The following CTNNA3 variants were observed in gnomAD, a reference collection of about 807,000 sequenced individuals.
CTNNA3 encodes the protein catenin alpha-3.
In CTNNA3, 76 loss-of-function variants were observed where a neutral mutation model predicts 95.7. The observed-to-expected ratio is 0.79, with a 90% CI of 0.66 to 0.96. The LOEUF is 0.96. Ranked by LOEUF, CTNNA3 falls within the 40% of genes least tolerant of loss-of-function variation. CTNNA3 has a pLI of 0.00. For synonymous variants in CTNNA3, 431 were observed against 374.4 expected, an observed-to-expected ratio of 1.15 and a Z score of -1.74; for missense variants, 1,191 against 1,089.8, an observed-to-expected ratio of 1.09 and a Z score of -1.31.
At chr10:66,121,861 G>A (rs2082597839) in intron 13 of CTNNA3, among the ~76,000 whole-genome samples, 1 of 152,030 alleles carries the variant, frequency 6.6e-6, no homozygotes, top group Non-Finnish European at 1.5e-5. Flanking sequence ...AAGTTGCTGA[G>A]GTTTACCAAC....
intron 10 of CTNNA3, among the ~76,000 whole-genome samples, chr10:66,619,331 A>T (rs1041186352): frequency 6.7e-6 from 1 of 150,222 alleles, no homozygotes; most frequent in Non-Finnish European, 1.5e-5. Context: ...ACAACGATAG[A>T]CTGGATTAAG....
chr10:66,966,967 C>A (rs1361441535), intron 7 of CTNNA3, among the ~76,000 whole-genome samples: 1 of 151,968 alleles, frequency 6.6e-6, no homozygotes, highest in East Asian at 1.9e-4. Context: ...ATTTGGATAT[C>A]ATGGCCTATC....
intron 5 of CTNNA3, among the ~76,000 whole-genome samples, chr10:67,311,330 A>T (rs1256466836): frequency 6.6e-6 from 1 of 152,204 alleles, no homozygotes; most frequent in Non-Finnish European, 1.5e-5. Flanking sequence ...AGCAGCTTCC[A>T]AGCTCTATAA....
intron 13 of CTNNA3, among the ~76,000 whole-genome samples, chr10:66,202,924 A>G (rs764046300): frequency 2.6e-4 from 40 of 152,222 alleles, no homozygotes; most frequent in Non-Finnish European, 4.4e-4. Flanking sequence ...AGATGAATCT[A>G]ATTTAGCAAG....
intron 5 of CTNNA3, among the ~76,000 whole-genome samples, chr10:67,232,975 T>A (rs1469214140): frequency 6.6e-6 from 1 of 152,102 alleles, no homozygotes; most frequent in Admixed American, 6.5e-5. Context: ...CCTAAATATA[T>A]ATGCACCCAA....
chr10:67,428,461 G>A (rs1845995053), intron 5 of CTNNA3, among the ~76,000 whole-genome samples: 1 of 151,942 alleles, frequency 6.6e-6, no homozygotes, highest in Admixed American at 6.6e-5. Context: ...GGTTTTTCCA[G>A]GAACACAACT....
chr10:66,246,538 GC>G (rs2090333192), intron 13 of CTNNA3, among the ~76,000 whole-genome samples: 1 of 152,088 alleles, frequency 6.6e-6, no homozygotes, highest in Non-Finnish European at 1.5e-5. Flanking sequence ...GCAATCTGGA[GC>G]AGCCACTGCC....
At chr10:65,991,290 T>G (rs2133335131) in intron 15 of CTNNA3, among the ~76,000 whole-genome samples, 1 of 152,246 alleles carries the variant, frequency 6.6e-6, no homozygotes, top group South Asian at 2.1e-4. Flanking sequence ...TTTCTTCTGT[T>G]TCTGTGAAGA....
chr10:67,188,829 G>T (rs1862986029), intron 6 of CTNNA3, among the ~76,000 whole-genome samples: 1 of 152,078 alleles, frequency 6.6e-6, no homozygotes, highest in East Asian at 1.9e-4. Context: ...AAAACAATCT[G>T]CAGGGTGCAA....
intron 5 of CTNNA3, among the ~76,000 whole-genome samples, chr10:67,378,142 T>G (rs1377934745): frequency 6.6e-6 from 1 of 152,232 alleles, no homozygotes; most frequent in Admixed American, 6.5e-5. Flanking sequence ...TTTACTTTTT[T>G]TTATGTTTTA....
chr10:66,650,368 T>C (rs1285714036), intron 9 of CTNNA3, among the ~76,000 whole-genome samples: 2 of 152,098 alleles, frequency 1.3e-5, no homozygotes, highest in Non-Finnish European at 1.5e-5. Context: ...ACTGGAAAAA[T>C]TTCAAAAACT....
At chr10:66,943,652 A>T (rs1405555863) in intron 7 of CTNNA3, among the ~76,000 whole-genome samples, 20 of 152,142 alleles carry the variant, frequency 1.3e-4, no homozygotes, top group Non-Finnish European at 1.5e-5. Context: ...AGAATTAAAC[A>T]TGCTACTTAA....
intron 7 of CTNNA3, among the ~76,000 whole-genome samples, chr10:67,008,179 A>T (rs1020222818): frequency 6.6e-6 from 1 of 152,058 alleles, no homozygotes; most frequent in Non-Finnish European, 1.5e-5. Context: ...TTCAGGAAAA[A>T]CTTATGCTTT....
At chr10:66,788,514 T>C (rs73310843) in intron 7 of CTNNA3, among the ~76,000 whole-genome samples, 36,430 of 152,006 alleles carry the variant, frequency 0.24, 4,987 homozygotes, top group African/African-American at 0.38. Context: ...ATGAAACTAT[T>C]TGTTGCCTGT....
chr10:67,511,092 G>T (rs570816618), intron 5 of CTNNA3, among the ~76,000 whole-genome samples: 1 of 152,278 alleles, frequency 6.6e-6, no homozygotes, highest in South Asian at 2.1e-4. Context: ...GAGATTTGGG[G>T]CTGAGACAAT....
intron 4 of CTNNA3, among the ~76,000 whole-genome samples, chr10:67,538,514 A>C (rs896036083): frequency 1.3e-4 from 20 of 151,686 alleles, no homozygotes; most frequent in African/African-American, 3.9e-4. Flanking sequence ...CCCAGAAGGC[A>C]GAGATTGCAG....
intron 1 of CTNNA3, among the ~76,000 whole-genome samples, chr10:67,683,863 G>A (rs566591870): frequency 4.6e-5 from 7 of 151,848 alleles, no homozygotes; most frequent in East Asian, 3.9e-4. Flanking sequence ...TCTTAAAGGC[G>A]GCATATCCGG....
At chr10:66,407,666 T>A (rs1231505049) in intron 11 of CTNNA3, among the ~76,000 whole-genome samples, 2 of 151,940 alleles carry the variant, frequency 1.3e-5, no homozygotes, top group South Asian at 4.2e-4. Context: ...CTATCACCTC[T>A]GACTCTTGGG....
At chr10:67,590,181 T>A (rs1450225841) in intron 3 of CTNNA3, among the ~76,000 whole-genome samples, 13 of 152,140 alleles carry the variant, frequency 8.5e-5, no homozygotes, top group Admixed American at 8.5e-4. Context: ...CTACATTACA[T>A]CACTTTTGCA....
Sources: gnomAD v4.1 joint callset for allele counts (sites outside exome capture counted in the v4.1 genomes callset) on GRCh38, gnomAD v4.1.1 for gene constraint, MANE v1.5 for transcripts, NCBI Gene and HGNC (gene_info 2026-07-23, HGNC 2026-07-21) for gene names.